The following SLC4A3 variants were observed in gnomAD, a reference collection of about 807,000 sequenced individuals.
The protein encoded by SLC4A3 is solute carrier family 4 member 3.
SLC4A3 carries 47 observed loss-of-function variants against 114.2 expected under a neutral mutation model. The observed-to-expected ratio is 0.41, with a 90% CI of 0.33 to 0.52. The LOEUF is 0.52. SLC4A3 is among the 20% of genes least tolerant of loss of function. SLC4A3 has a pLI of 0.21. For synonymous variants in SLC4A3, 693 were observed against 710.3 expected (o/e 0.98, Z 0.39); for missense variants, 1,312 against 1,668.3 (o/e 0.79, Z 3.72).
In SLC4A3 at chr2:219,637,618, C is replaced by G. The variant is rs755865014; in HGVS notation, c.2573C>G (p.Pro858Arg). ...CACCCACTGCTGCCGTTCTACCCCC[C>G]TGAGGGGGCCCTGGAGGGGTCCCTG... ...TEHPLLPFYP[P>R]EGALEGSLDA... Residue 858 changes from proline to arginine, a missense_variant, in exon 17 of 23, where the codon CCT (proline) becomes CGT (arginine). Coordinates refer to ENST00000358055, the MANE Select transcript of SLC4A3 (RefSeq NM_005070.4). The surrounding 1 kb of genome is among the most constrained non-coding windows in gnomAD (Gnocchi z 4.6). The G allele has an allele frequency of 4.3e-6, 7 of 1,611,524 alleles. No homozygotes were observed. The highest frequency in any genetic ancestry group is 1.1e-5 in the South Asian group (1 of 90,998).
At chr2:219,629,087 TG>T in intron 3 of SLC4A3, 56 bp from the exon 4 acceptor site, 1 of 1,513,300 alleles carries the variant, frequency 6.6e-7, no homozygotes. Flanking sequence ...TGCCCTCGGG[TG>T]GGGAGGGCCC....
intron 20 of SLC4A3, among the ~76,000 whole-genome samples, chr2:219,640,225 G>GCCCCCC (rs5838745): frequency 7.4e-5 from 8 of 108,260 alleles, no homozygotes; most frequent in African/African-American, 1.1e-4. Context: ...CAATGTGTCT[G>GCCCCCC]CCCCCCCCCC....
chr2:219,632,436 G>T lies in SLC4A3; in HGVS notation c.1135G>T (p.Ala379Ser). 6.3e-7 allele frequency: 1 copy of T among 1,590,322 alleles called. No homozygotes were observed. The highest frequency in any genetic ancestry group is 8.6e-7 in the Non-Finnish European group (1 of 1,168,126). The change falls in exon 8 of 23, where the codon GCC (alanine) becomes TCC (serine). Residue 379 changes from alanine to serine, a missense_variant. Ala to Ser is a moderately conservative substitution (Grantham distance 99). Coordinates refer to ENST00000358055, the MANE Select transcript of SLC4A3 (RefSeq NM_005070.4). ...RSLLELRRTI[A>S]HGAALLDLEQ... ...CCTTCTGGAGCTCAGGAGGACCATC[G>T]CCCATGGTAGGGACCCCCAGGCCTG... is the stretch of plus-strand genomic sequence containing the variant.
rs1238554889 is a variant in SLC4A3 at position 219,637,590 on chromosome 2, G to A, written c.2545G>A (p.Glu849Lys). The A allele has an allele frequency of 5.7e-6, 9 of 1,584,148 alleles. No homozygotes were observed. The highest frequency in any genetic ancestry group is 7.8e-6 in the Non-Finnish European group (9 of 1,161,046). The change falls in exon 17 of 23, where the codon GAG becomes AAG. Residue 849 changes from glutamate (E) to lysine (K), a missense_variant. Coordinates refer to ENST00000358055, the MANE Select transcript of SLC4A3 (RefSeq NM_005070.4). This position sits in a 1 kb window ranked among gnomAD's most constrained non-coding sequence, Gnocchi z 4.6. The stretch of plus-strand genomic sequence containing the variant: ...TGTTATCCACACACAGGTGTTCACA[G>A]AGCACCCACTGCTGCCGTTCTACCC... ...TFYKLYKVFT[E>K]HPLLPFYPPE...
In SLC4A3 at chr2:219,628,771, GC is replaced by G; in HGVS notation, c.217+205del. 1 of 651,926 alleles carries G rather than the reference GC, an allele frequency of 1.5e-6. No individual in the cohort carries two copies. Among genetic ancestry groups the G allele is most frequent in the Non-Finnish European group, 2.6e-6 (1 of 388,292 alleles). 40.4% of individuals were successfully genotyped at this position (651,926 alleles called of 1,614,324 possible). On this transcript the variant is annotated intron_variant, in intron 3 of 22. Transcript: ENST00000358055. This position sits in a 1 kb window ranked among gnomAD's most constrained non-coding sequence, Gnocchi z 4.8. ...CCTGTCCGCCTGCCTGGGGAGGTGG[GC>G]CCCAGACCAGGGGAGATCTAGGGAG... is the stretch of plus-strand genomic sequence containing the variant.
chr2:219,633,891 C>T lies in SLC4A3; in HGVS notation c.1473C>T (p.His491=). ...TTCTGCGTCCTCAGAAGCCCCTCCA[C>T]ATGCCTGGGGGAGATGGTCACCGGG... The part of the protein sequence containing the change: ...HDPDAKEKPL[H]MPGGDGHRGK... Residue 491 remains histidine (H), a synonymous_variant, in exon 11 of 23, where the codon CAC becomes CAT. Coordinates refer to ENST00000358055, the MANE Select transcript of SLC4A3 (RefSeq NM_005070.4). 1 of 1,558,334 alleles carries T rather than the reference C, an allele frequency of 6.4e-7. No homozygotes were observed. Among genetic ancestry groups the T allele is most frequent in the African/African-American group, 1.4e-5 (1 of 73,746 alleles).
intron 11 of SLC4A3, 50 bp downstream of exon 11, chr2:219,634,029 C>T: frequency 6.7e-7 from 1 of 1,483,084 alleles, no homozygotes; most frequent in Non-Finnish European, 9.0e-7. Context: ...GTGTGTGCCT[C>T]TCCTGGGGGC....
At position 219,638,138 on chromosome 2, in the gene SLC4A3, C is replaced by T; in HGVS notation, c.2767-26C>T. ...GCTGACCTTGCCTCCACCTTTTGCTCCCTTCCCCAACTGGCCCCTCTCAAG... is the reference window on the plus strand; with the variant it reads ...GCTGACCTTGCCTCCACCTTTTGCTTCCTTCCCCAACTGGCCCCTCTCAAG... On this transcript the variant is annotated intron_variant, in intron 17 of 22. Coordinates refer to ENST00000358055, the MANE Select transcript of SLC4A3 (RefSeq NM_005070.4). The surrounding 1 kb of genome is among the most constrained non-coding windows in gnomAD (Gnocchi z 7.5). 1 of 1,584,444 alleles carries T rather than the reference C, an allele frequency of 6.3e-7. No homozygotes were observed. The highest frequency in any genetic ancestry group is 8.6e-7 in the Non-Finnish European group (1 of 1,158,734).
rs888236872 is a variant in SLC4A3 at position 219,641,256 on chromosome 2, C to G, written c.3621+294C>G. Among the ~76,000 whole-genome samples, 1 of 152,206 alleles carries G rather than the reference C, an allele frequency of 6.6e-6. No individual in the cohort carries two copies. Among genetic ancestry groups the G allele is most frequent in the Non-Finnish European group, 1.5e-5 (1 of 68,004 alleles). ...CACAGCTGTGCAGGTGGTGCCTGAC[C>G]AAAAACACCCGGCTGAGAGGCTACA... is the stretch of plus-strand genomic sequence containing the variant. On this transcript the variant is annotated intron_variant, in intron 22 of 22. Transcript: ENST00000358055. The surrounding 1 kb of genome is among the most constrained non-coding windows in gnomAD (Gnocchi z 4.0).
At position 219,637,780 on chromosome 2, in the gene SLC4A3, A is replaced by G; in HGVS notation, c.2735A>G (p.Lys912Arg). The part of the protein sequence containing the change: ...GTFFIAFFLR[K>R]FRNSRFLGGK... ...TTCTTCATAGCCTTCTTCCTGCGCAAGTTCAGGAACAGCCGCTTCCTGGGG... is the reference window on the plus strand; with the variant it reads ...TTCTTCATAGCCTTCTTCCTGCGCAGGTTCAGGAACAGCCGCTTCCTGGGG... Residue 912 changes from lysine to arginine, a missense_variant, in exon 17 of 23, where the codon AAG (lysine) becomes AGG (arginine). Transcript: ENST00000358055. This position sits in a 1 kb window ranked among gnomAD's most constrained non-coding sequence, Gnocchi z 4.6. 1 of 1,613,738 alleles carries G rather than the reference A, an allele frequency of 6.2e-7. No homozygotes were observed. Among genetic ancestry groups the G allele is most frequent in the Non-Finnish European group, 8.5e-7 (1 of 1,179,774 alleles).
rs770323733 is a variant in SLC4A3 at position 219,633,926 on chromosome 2, T to C, written c.1508T>C (p.Leu503Pro). 3 of 1,562,230 alleles carry C rather than the reference T, an allele frequency of 1.9e-6. No individual in the cohort carries two copies. In the South Asian group the frequency reaches 3.5e-5, roughly 18 times the overall value. The change falls in exon 11 of 23, where the codon CTG becomes CCG. Residue 503 changes from leucine (L) to proline (P), a missense_variant. By Grantham distance (98) the Leu-to-Pro change is moderately conservative. Transcript: ENST00000358055. Reference sequence around the variant, plus strand: ...GGAGATGGTCACCGGGGGAAAAGCCTGAAGCTGCTGGAGAAGATCCCTGAA... The same window carrying C: ...GGAGATGGTCACCGGGGGAAAAGCCCGAAGCTGCTGGAGAAGATCCCTGAA... ...PGGDGHRGKS[L>P]KLLEKIPEDA... is the part of the protein sequence containing the mutation.
In SLC4A3 at chr2:219,639,578, GT is replaced by G; in HGVS notation, c.3123del (p.Phe1041LeufsTer20). 1 of 1,614,118 alleles carries G rather than the reference GT, an allele frequency of 6.2e-7. No homozygotes were observed. The highest frequency in any genetic ancestry group is 8.5e-7 in the Non-Finnish European group (1 of 1,180,038). ...GCTCCCTGGGGGGGCTCTGTGGGCT[GT>G]TTGGGTTGCCCTGGCTCACGGCTGC... ...IGSLGGLCGL[F>X]GLPWLTAATV... On this transcript the variant is annotated frameshift_variant, in exon 20 of 23. Transcript: ENST00000358055. LOFTEE classifies it high-confidence loss of function. This position sits in a 1 kb window ranked among gnomAD's most constrained non-coding sequence, Gnocchi z 5.9.
At chr2:219,629,114 G>A (rs1698823765) in intron 3 of SLC4A3, 30 bp from the exon 4 acceptor site, 3 of 1,541,008 alleles carry the variant, frequency 1.9e-6, no homozygotes, top group Non-Finnish European at 2.6e-6. Flanking sequence ...TCTGCTGTGG[G>A]GGCCTCAACC....
At position 219,629,168 on chromosome 2, in the gene SLC4A3, C is replaced by T; in HGVS notation, c.242C>T (p.Thr81Ile). The T allele has an allele frequency of 1.2e-6, 2 of 1,605,084 alleles. No individual in the cohort carries two copies. Among genetic ancestry groups the T allele is most frequent in the Non-Finnish European group, 1.7e-6 (2 of 1,175,474 alleles). Reference sequence around the variant, plus strand: ...GTTCACCGGCACACATCCCACCACACCCACCACCCGCTCTCAGCGCGCCTG... The same window carrying T: ...GTTCACCGGCACACATCCCACCACATCCACCACCCGCTCTCAGCGCGCCTG... ...FEFHRHTSHH[T>I]HHPLSARLPP... is the part of the protein sequence containing the mutation. The change falls in exon 4 of 23, where the codon ACC becomes ATC. Residue 81 changes from threonine (T) to isoleucine (I), a missense_variant. Thr to Ile is a moderately conservative substitution (Grantham distance 89). Transcript: ENST00000358055.
In SLC4A3 at chr2:219,639,711, G is replaced by A. The variant is rs776953651; in HGVS notation, c.3253G>A (p.Gly1085Ser). The change falls in exon 20 of 23, where the codon GGT becomes AGT. Residue 1085 changes from glycine to serine, a missense_variant. Coordinates refer to ENST00000358055, the MANE Select transcript of SLC4A3 (RefSeq NM_005070.4). This position sits in a 1 kb window ranked among gnomAD's most constrained non-coding sequence, Gnocchi z 5.9. ...GGAGGTGCGGGAGCAGCGGGTCACT[G>A]GTGTGCTCATCGCCAGCCTCGTGGG... ...IQEVREQRVT[G>S]VLIASLVGLS... 1.2e-6 allele frequency: 2 copies of A among 1,609,762 alleles called. No homozygotes were observed. Among genetic ancestry groups the A allele is most frequent in the Non-Finnish European group, 1.7e-6 (2 of 1,179,894 alleles).
At position 219,635,780 on chromosome 2, in the gene SLC4A3, C is replaced by G; in HGVS notation, c.2080C>G (p.Pro694Ala). The change falls in exon 14 of 23, where the codon CCG (proline) becomes GCG (alanine). Residue 694 changes from proline to alanine, a missense_variant. Pro to Ala is a conservative substitution (Grantham distance 27). This residue lies in a region of SLC4A3 where 771 missense variants were observed against 977.7 expected (regional missense o/e 0.79). Transcript: ENST00000358055. ...GLVRDVRRRYPHYPSDLRDAL... is the reference protein window; with the variant it reads ...GLVRDVRRRYAHYPSDLRDAL... The stretch of plus-strand genomic sequence containing the variant: ...TGTGCGGGATGTGAGGCGCCGGTAC[C>G]CGCACTACCCCAGTGACCTGCGAGA... 6.3e-7 allele frequency: 1 copy of G among 1,593,622 alleles called. No homozygotes were observed. The highest frequency in any genetic ancestry group is 8.5e-7 in the Non-Finnish European group (1 of 1,172,458).
intron 12 of SLC4A3, among the ~76,000 whole-genome samples, chr2:219,634,938 C>A (rs999117350): frequency 3.1e-4 from 47 of 152,310 alleles, no homozygotes; most frequent in African/African-American, 1.1e-3. Flanking sequence ...GGGCAACGTT[C>A]ACAATATTTA....
chr2:219,628,642 C>T lies in SLC4A3; in HGVS notation c.217+72C>T. ...CCTTCATCGCCACCATCACCGCGCT[C>T]ACCTCCGGCTTGGTCACCCAGTGCC... On this transcript the variant is annotated intron_variant, in intron 3 of 22. Transcript: ENST00000358055. The surrounding 1 kb of genome is among the most constrained non-coding windows in gnomAD (Gnocchi z 4.8). 6.7e-7 allele frequency: 1 copy of T among 1,503,414 alleles called. No homozygotes were observed. The highest frequency in any genetic ancestry group is 9.1e-7 in the Non-Finnish European group (1 of 1,093,956). The allele number at this position is 1,503,414 out of a possible 1,614,324, so 93.1% of individuals were successfully genotyped here.
Position 219,628,653 on chromosome 2 carries a change from T to C in SLC4A3, c.217+83T>C, listed in dbSNP as rs992392767. 12 of 1,433,066 alleles carry C rather than the reference T, an allele frequency of 8.4e-6. No individual in the cohort carries two copies. In the Admixed American group the frequency reaches 2.2e-4, roughly 26 times the overall value. The allele number at this position is 1,433,066 out of a possible 1,614,324, so 88.8% of individuals were successfully genotyped here. On this transcript the variant is annotated intron_variant, in intron 3 of 22. Coordinates refer to ENST00000358055, the MANE Select transcript of SLC4A3 (RefSeq NM_005070.4). The surrounding 1 kb of genome is among the most constrained non-coding windows in gnomAD (Gnocchi z 4.8). ...ACCATCACCGCGCTCACCTCCGGCT[T>C]GGTCACCCAGTGCCATCCTGTGCCG...
Sources: allele counts gnomAD v4.1 joint callset (sites outside exome capture counted in the v4.1 genomes callset), GRCh38; gene constraint gnomAD v4.1.1; regional missense constraint gnomAD v4.1.1; non-coding constraint Gnocchi (gnomAD v3.1); transcripts MANE v1.5; gene names NCBI Gene and HGNC (gene_info 2026-07-23, HGNC 2026-07-21).